Variants in CACNA1E observed in about 807,000 individuals in gnomAD.
CACNA1E encodes the protein voltage-dependent R-type calcium channel subunit alpha-1E.
A neutral mutation model predicts 259.2 loss-of-function variants in CACNA1E; 40 were observed. The observed-to-expected ratio is 0.15, with a 90% CI of 0.12 to 0.20. The LOEUF (loss-of-function observed/expected upper bound fraction) is 0.20. Among genes scored for constraint, CACNA1E ranks in the 10% least tolerant of loss-of-function variants. The probability of loss-of-function intolerance (pLI) is 1.00; values close to 1 mark genes in which losing one functional copy is unlikely to be tolerated. For synonymous variants in CACNA1E, 1,104 were observed against 1,138.5 expected (o/e 0.97, Z 0.61); for missense variants, 1,874 against 3,040.1 (o/e 0.62, Z 9.02).
At position 181,751,448 on chromosome 1, in the gene CACNA1E, C is replaced by T. The variant is rs183477405; in HGVS notation, c.3732-695C>T. 3.0e-3 allele frequency among the ~76,000 whole-genome samples: 455 copies of T among 152,256 alleles called. 1 individual carries two copies. The highest frequency in any genetic ancestry group is 4.6e-3 in the Non-Finnish European group (314 of 68,012). ...ACACCATCTGCAATGGAAGGGACTGCGGGAACAGCCAGCCACACAGAGGTA... is the reference window on the plus strand; with the variant it reads ...ACACCATCTGCAATGGAAGGGACTGTGGGAACAGCCAGCCACACAGAGGTA... On this transcript the variant is annotated intron_variant, in intron 26 of 47. Coordinates refer to ENST00000367573, the MANE Select transcript of CACNA1E (RefSeq NM_001205293.3).
At chr1:181,752,635 G>T (rs144153519) in intron 27 of CACNA1E, among the ~76,000 whole-genome samples, 4 of 152,112 alleles carry the variant, frequency 2.6e-5, no homozygotes, top group African/African-American at 9.7e-5. Context: ...GAGTATCCTG[G>T]GACATTTTCT....
intron 1 of CACNA1E, among the ~76,000 whole-genome samples, chr1:181,338,300 G>A: frequency 6.6e-6 from 1 of 152,130 alleles, no homozygotes. Context: ...TGGCCAGGCT[G>A]GTCTTGAACT....
intron 6 of CACNA1E, among the ~76,000 whole-genome samples, chr1:181,590,660 C>A (rs1652552965): frequency 6.6e-6 from 1 of 152,078 alleles, no homozygotes; most frequent in African/African-American, 2.4e-5. Flanking sequence ...AGTGTGCAGT[C>A]TTCCTCACCC....
At chr1:181,567,140 G>T (rs2102917122) in intron 3 of CACNA1E, among the ~76,000 whole-genome samples, 1 of 152,244 alleles carries the variant, frequency 6.6e-6, no homozygotes, top group Non-Finnish European at 1.5e-5. Context: ...TCATCAAAAG[G>T]CATATATTGA....
chr1:181,617,260 A>C (rs963262765), intron 6 of CACNA1E, among the ~76,000 whole-genome samples: 3 of 150,208 alleles, frequency 2.0e-5, no homozygotes, highest in African/African-American at 4.9e-5. Context: ...TTTATATTTA[A>C]GGTGTATTTC....
chr1:181,365,418 C>T (rs544793872), intron 1 of CACNA1E, among the ~76,000 whole-genome samples: 22 of 152,352 alleles, frequency 1.4e-4, no homozygotes, highest in Admixed American at 4.6e-4. Context: ...GCAATATTCC[C>T]GCCTTGACCT....
intron 1 of CACNA1E, among the ~76,000 whole-genome samples, chr1:181,342,724 C>T (rs1270804800): frequency 6.6e-6 from 1 of 152,096 alleles, no homozygotes; most frequent in Non-Finnish European, 1.5e-5. Flanking sequence ...AAGTGCTTAC[C>T]TCGAAAGCGT....
chr1:181,769,200 CTTCTAG>C (rs1659279407), intron 35 of CACNA1E, among the ~76,000 whole-genome samples: 1 of 152,112 alleles, frequency 6.6e-6, no homozygotes, highest in Non-Finnish European at 1.5e-5. Flanking sequence ...TCACAAGTCT[CTTCTAG>C]TTCTAAAGTT....
At chr1:181,626,450 T>C (rs1488069930) in intron 6 of CACNA1E, among the ~76,000 whole-genome samples, 1 of 152,218 alleles carries the variant, frequency 6.6e-6, no homozygotes, top group Non-Finnish European at 1.5e-5. Context: ...GTGCCTTTCA[T>C]GGACTTTTGA....
intron 27 of CACNA1E, among the ~76,000 whole-genome samples, chr1:181,754,165 C>T (rs918324040): frequency 6.6e-6 from 1 of 152,206 alleles, no homozygotes; most frequent in African/African-American, 2.4e-5. Flanking sequence ...AAGGAGAGTG[C>T]AGACAAGCTT....
chr1:181,383,791 C>A (rs926490629), intron 1 of CACNA1E, among the ~76,000 whole-genome samples: 5 of 152,144 alleles, frequency 3.3e-5, no homozygotes, highest in African/African-American at 1.2e-4. Flanking sequence ...AACATGTGAC[C>A]AAACTCTGGC....
At chr1:181,453,041 C>T (rs61812701) in intron 2 of CACNA1E, among the ~76,000 whole-genome samples, 61 of 152,358 alleles carry the variant, frequency 4.0e-4, no homozygotes, top group South Asian at 1.2e-3. Flanking sequence ...TGTATTTGGA[C>T]ACTTTGTGGC....
chr1:181,726,946 AG>A (rs1156232264), intron 18 of CACNA1E, among the ~76,000 whole-genome samples: 1 of 152,204 alleles, frequency 6.6e-6, no homozygotes, highest in Non-Finnish European at 1.5e-5. Context: ...GATGAATAAA[AG>A]GGAAGAAACA....
At chr1:181,551,043 G>A (rs1481632761) in intron 3 of CACNA1E, among the ~76,000 whole-genome samples, 1 of 152,166 alleles carries the variant, frequency 6.6e-6, no homozygotes, top group Non-Finnish European at 1.5e-5. Flanking sequence ...GGGAAGAAAC[G>A]GGACATTTAG....
chr1:181,555,492 G>T (rs1237526760), intron 3 of CACNA1E, among the ~76,000 whole-genome samples: 1 of 152,204 alleles, frequency 6.6e-6, no homozygotes, highest in African/African-American at 2.4e-5. Context: ...GCCTCAGAAG[G>T]CTAATCCAGT....
chr1:181,332,918 C>T (rs950413622), intron 1 of CACNA1E, among the ~76,000 whole-genome samples: 1 of 152,138 alleles, frequency 6.6e-6, no homozygotes, highest in East Asian at 1.9e-4. Context: ...GGCTATCCAT[C>T]GTGAGTCAAC....
intron 6 of CACNA1E, among the ~76,000 whole-genome samples, chr1:181,613,753 C>T (rs554259359): frequency 6.6e-6 from 1 of 152,296 alleles, no homozygotes; most frequent in East Asian, 1.9e-4. Flanking sequence ...ACTTCTCTCC[C>T]TTACTAATAA....
chr1:181,752,759 C>G (rs1657708343), intron 27 of CACNA1E, among the ~76,000 whole-genome samples: 1 of 152,222 alleles, frequency 6.6e-6, no homozygotes, highest in African/African-American at 2.4e-5. Flanking sequence ...TTGGCAGAGG[C>G]AGAGAAGAAA....
At chr1:181,785,192 C>T in intron 41 of CACNA1E, 126 bp from the exon 42 acceptor site, 2 of 677,552 alleles carry the variant, frequency 3.0e-6, no homozygotes, top group Non-Finnish European at 5.4e-6. Context: ...CCTCAATATA[C>T]ATTGGATGAA....
Sources: gnomAD v4.1 joint callset for allele counts (sites outside exome capture counted in the v4.1 genomes callset) on GRCh38, gnomAD v4.1.1 for gene constraint, MANE v1.5 for transcripts, NCBI Gene and HGNC (gene_info 2026-07-23, HGNC 2026-07-21) for gene names.